MARCHF1: variants seen among roughly 807,000 people sequenced by gnomAD.
MARCHF1 encodes the protein membrane associated ring-CH-type finger 1, also known as E3 ubiquitin-protein ligase MARCHF1.
Under a neutral mutation model 54.2 loss-of-function variants are expected in MARCHF1, and 40 were observed. That is an observed-to-expected ratio of 0.74 (90% confidence interval 0.57 to 0.96). The LOEUF (loss-of-function observed/expected upper bound fraction) is 0.96. Among genes scored for constraint, MARCHF1 ranks in the 40% least tolerant of loss-of-function variants. MARCHF1 has a pLI of 0.00. For synonymous variants in MARCHF1, 236 were observed against 236.3 expected (o/e 1.00, Z 0.01); for missense variants, 586 against 656.5 (o/e 0.89, Z 1.17).
intron 3 of MARCHF1, among the ~76,000 whole-genome samples, chr4:163,902,427 T>C (rs1236425586): frequency 6.6e-6 from 1 of 152,212 alleles, no homozygotes; most frequent in African/African-American, 2.4e-5. Flanking sequence ...ATACGGCGAA[T>C]GGATCAACCT....
intron 1 of MARCHF1, among the ~76,000 whole-genome samples, chr4:164,263,120 G>T (rs1034004982): frequency 2.7e-5 from 4 of 150,940 alleles, no homozygotes; most frequent in Non-Finnish European, 5.9e-5. Context: ...ATTTTTCAAG[G>T]TACATGTGTG....
chr4:163,927,095 T>C (rs1359051771), intron 3 of MARCHF1, among the ~76,000 whole-genome samples: 1 of 151,780 alleles, frequency 6.6e-6, no homozygotes, highest in Non-Finnish European at 1.5e-5. Flanking sequence ...CTCACAATTT[T>C]GTTGTATTTG....
At chr4:164,164,336 T>C (rs1730314886) in intron 1 of MARCHF1, among the ~76,000 whole-genome samples, 2 of 151,826 alleles carry the variant, frequency 1.3e-5, no homozygotes, top group African/African-American at 4.8e-5. Flanking sequence ...TAAACCTTTG[T>C]CCAGCTTGTT....
At chr4:163,723,447 GC>G (rs1745545634) in intron 4 of MARCHF1, among the ~76,000 whole-genome samples, 1 of 152,172 alleles carries the variant, frequency 6.6e-6, no homozygotes, top group Non-Finnish European at 1.5e-5. Context: ...CTCTCTGGCT[GC>G]CCTTAACATT....
intron 2 of MARCHF1, among the ~76,000 whole-genome samples, chr4:164,007,991 C>G (rs1430758073): frequency 6.6e-6 from 1 of 152,012 alleles, no homozygotes; most frequent in Non-Finnish European, 1.5e-5. Context: ...TTATTAATAA[C>G]TCTGAATGTA....
intron 2 of MARCHF1, among the ~76,000 whole-genome samples, chr4:164,053,881 TA>T (rs1465808281): frequency 6.6e-6 from 1 of 152,282 alleles, no homozygotes; most frequent in Admixed American, 6.5e-5. Flanking sequence ...ACTTCATGTC[TA>T]AAACACCAAA....
intron 4 of MARCHF1, among the ~76,000 whole-genome samples, chr4:163,751,357 G>A (rs867542305): frequency 6.6e-5 from 10 of 151,848 alleles, no homozygotes; most frequent in African/African-American, 1.7e-4. Flanking sequence ...ATGTAACATC[G>A]TCCTGGAGTC....
At chr4:163,627,809 C>G (rs1299337159) in intron 5 of MARCHF1, among the ~76,000 whole-genome samples, 1 of 151,568 alleles carries the variant, frequency 6.6e-6, no homozygotes, top group Admixed American at 6.6e-5. Context: ...TACTACAAAG[C>G]TGCAAGATAA....
At chr4:164,116,159 T>G (rs1755935108) in intron 1 of MARCHF1, among the ~76,000 whole-genome samples, 4 of 152,158 alleles carry the variant, frequency 2.6e-5, no homozygotes, top group Non-Finnish European at 4.4e-5. Flanking sequence ...TTCATATCAC[T>G]AAAATCTCAA....
intron 2 of MARCHF1, among the ~76,000 whole-genome samples, chr4:164,075,637 G>A (rs146389031): frequency 2.0e-5 from 3 of 152,300 alleles, no homozygotes; most frequent in Non-Finnish European, 4.4e-5. Context: ...TAACTGATAC[G>A]TAGGTCAAAG....
At chr4:164,315,231 CAAAAAAA>C (rs58264322) in intron 1 of MARCHF1, among the ~76,000 whole-genome samples, 83 of 100,686 alleles carry the variant, frequency 8.2e-4, no homozygotes, top group African/African-American at 1.6e-3. Context: ...GTTAATTTAA[CAAAAAAA>C]AAAAAAAAAA....
chr4:164,074,102 A>G (rs1579512079), intron 2 of MARCHF1, among the ~76,000 whole-genome samples: 1 of 152,208 alleles, frequency 6.6e-6, no homozygotes, highest in East Asian at 1.9e-4. Flanking sequence ...GGAACTTTCC[A>G]TAAGTATTTC....
intron 7 of MARCHF1, among the ~76,000 whole-genome samples, chr4:163,598,407 G>A (rs778240128): frequency 2.0e-5 from 3 of 152,166 alleles, no homozygotes; most frequent in Admixed American, 1.3e-4. Context: ...ACAGGGATAC[G>A]TTCTGAGAAA....
intron 2 of MARCHF1, among the ~76,000 whole-genome samples, chr4:164,068,202 C>A (rs1165321035): frequency 6.6e-6 from 1 of 152,192 alleles, no homozygotes; most frequent in African/African-American, 2.4e-5. Context: ...CCATTTGATC[C>A]AGCAATCCCA....
intron 3 of MARCHF1, among the ~76,000 whole-genome samples, chr4:163,889,025 T>G (rs1750598693): frequency 6.6e-6 from 1 of 152,132 alleles, no homozygotes; most frequent in East Asian, 1.9e-4. Flanking sequence ...CAAGAGCTAT[T>G]TGAGCTTTGG....
At chr4:164,001,101 C>T (rs1393226121) in intron 2 of MARCHF1, among the ~76,000 whole-genome samples, 1 of 151,710 alleles carries the variant, frequency 6.6e-6, no homozygotes, top group Non-Finnish European at 1.5e-5. Context: ...AATGTGGCCA[C>T]AGTCATATTA....
intron 1 of MARCHF1, among the ~76,000 whole-genome samples, chr4:164,259,294 A>C (rs1283590218): frequency 6.6e-6 from 1 of 151,996 alleles, no homozygotes; most frequent in African/African-American, 2.4e-5. Context: ...TGTAATCCCA[A>C]TACTTTAGGA....
intron 5 of MARCHF1, among the ~76,000 whole-genome samples, chr4:163,613,859 T>C (rs1187406790): frequency 6.6e-6 from 1 of 152,114 alleles, no homozygotes; most frequent in African/African-American, 2.4e-5. Flanking sequence ...TATTTGAAAA[T>C]ACTTTGTAAT....
chr4:163,879,804 C>CGTGTATGTGT (rs1553960441), intron 3 of MARCHF1, among the ~76,000 whole-genome samples: 2 of 148,378 alleles, frequency 1.3e-5, no homozygotes, highest in African/African-American at 5.0e-5. Context: ...GATTTAGAGG[C>CGTGTATGTGT]GTGTGTGTGT....
Sources: allele counts gnomAD v4.1 joint callset (sites outside exome capture counted in the v4.1 genomes callset), GRCh38; gene constraint gnomAD v4.1.1; transcripts MANE v1.5; gene names NCBI Gene and HGNC (gene_info 2026-07-23, HGNC 2026-07-21).